NEBL: variants seen among roughly 807,000 people sequenced by gnomAD.
NEBL encodes the protein LIM and SH3 protein 2.
NEBL carries 122 observed loss-of-function variants against 140.2 expected under a neutral mutation model. The ratio of observed to expected loss-of-function variants is 0.87; its 90% CI spans 0.75 to 1.01. The LOEUF is 1.01. Among genes scored for constraint, NEBL ranks in the 50% least tolerant of loss-of-function variants. The pLI is 0.00. For synonymous variants in NEBL, 436 were observed against 398.9 expected (o/e 1.09, Z -1.11); for missense variants, 1,365 against 1,231.3 (o/e 1.11, Z -1.62).
intron 2 of NEBL, chr10:21,146,310 C>T (rs372703562): frequency 1.3e-4 from 205 of 1,568,752 alleles, no homozygotes; most frequent in Admixed American, 1.4e-4. Context: ...CACACCCATG[C>T]AGTATAAACC....
chr10:21,158,522 G>A (rs1482662286), intron 2 of NEBL, among the ~76,000 whole-genome samples: 1 of 152,144 alleles, frequency 6.6e-6, no homozygotes, highest in African/African-American at 2.4e-5. Context: ...GAAACCGAGG[G>A]ATGGTGAGGC....
chr10:21,143,263 A>C (rs1459880259), intron 2 of NEBL, among the ~76,000 whole-genome samples: 2 of 152,014 alleles, frequency 1.3e-5, no homozygotes, highest in African/African-American at 2.4e-5. Flanking sequence ...AGCCTGGCCA[A>C]CATGGCGAAA....
upstream of NEBL, chr10:20,899,498 CAA>C (rs1847753254): frequency 8.7e-7 from 1 of 1,144,770 alleles, no homozygotes; most frequent in African/African-American, 1.6e-5. Flanking sequence ...CTTTTGAAAA[CAA>C]AAACCAAACA....
At chr10:20,863,609 G>A (rs994252011) in intron 7 of NEBL, among the ~76,000 whole-genome samples, 13 of 152,032 alleles carry the variant, frequency 8.6e-5, no homozygotes, top group Admixed American at 2.6e-4. Flanking sequence ...GCAAAATAAC[G>A]TCTTACTGAC....
chr10:21,069,590 T>C (rs1209502384), intron 2 of NEBL, among the ~76,000 whole-genome samples: 1 of 152,224 alleles, frequency 6.6e-6, no homozygotes, highest in African/African-American at 2.4e-5. Context: ...AATCTCTTCA[T>C]CCTTCCACAT....
At chr10:20,899,515 G>T, upstream of NEBL, 1 of 905,294 alleles carries the variant, frequency 1.1e-6, no homozygotes, top group Non-Finnish European at 1.5e-6. Context: ...CAAACACCAC[G>T]TGCAATGTGA....
At chr10:20,850,754 A>G (rs2274361) in intron 10 of NEBL, among the ~76,000 whole-genome samples, 2 of 152,094 alleles carry the variant, frequency 1.3e-5, no homozygotes, top group African/African-American at 2.4e-5. Flanking sequence ...TGTATAAAGC[A>G]TCTTGTCAAA....
chr10:21,186,852 G>A (rs1841479716), intron 3 of NEBL, among the ~76,000 whole-genome samples: 3 of 151,820 alleles, frequency 2.0e-5, no homozygotes, highest in African/African-American at 7.3e-5. Flanking sequence ...ATGCTGTATT[G>A]ATTGGAGAAT....
At chr10:21,090,734 C>T (rs1836873950) in intron 2 of NEBL, among the ~76,000 whole-genome samples, 1 of 152,192 alleles carries the variant, frequency 6.6e-6, no homozygotes, top group South Asian at 2.1e-4. Flanking sequence ...CCTATCGCCA[C>T]CTGGTTTTGT....
chr10:21,227,374 A>G (rs1161271817), intron 3 of NEBL, among the ~76,000 whole-genome samples: 1 of 152,246 alleles, frequency 6.6e-6, no homozygotes, highest in Admixed American at 6.5e-5. Flanking sequence ...AGATATATAA[A>G]TAAGTAATGT....
At chr10:20,866,101 C>A (rs1844254858) in intron 7 of NEBL, among the ~76,000 whole-genome samples, 1 of 152,082 alleles carries the variant, frequency 6.6e-6, no homozygotes, top group Non-Finnish European at 1.5e-5. Flanking sequence ...GTTAACATGG[C>A]AAAAAGTAGT....
chr10:20,828,538 T>C lies in NEBL; in HGVS notation c.1768A>G (p.Ile590Val). ...AAGTAATGGCTACTCACCGCACTAA[T>C]GTTTTGTTGAGTTGTCTTAATTCTC... ...IQRIKTTQQN[I>V]SAVFYKKEVG... The change falls in exon 17 of 28, where the codon ATT (isoleucine) becomes GTT (valine). Residue 590 changes from isoleucine (I) to valine (V), a missense_variant. Physicochemically the swap from Ile to Val is conservative, Grantham distance 29 (BLOSUM62 3). Coordinates refer to ENST00000377122, the MANE Select transcript of NEBL (RefSeq NM_006393.3). 6.3e-7 allele frequency: 1 copy of C among 1,577,624 alleles called. No homozygotes were observed. Among genetic ancestry groups the C allele is most frequent in the Non-Finnish European group, 8.7e-7 (1 of 1,147,284 alleles).
At chr10:21,143,163 A>T (rs2132103471) in intron 2 of NEBL, among the ~76,000 whole-genome samples, 1 of 152,306 alleles carries the variant, frequency 6.6e-6, no homozygotes, top group Non-Finnish European at 1.5e-5. Context: ...AACTTTAAGC[A>T]TGAAGCCAGG....
At chr10:21,258,970 T>A (rs998996067) in intron 1 of NEBL, among the ~76,000 whole-genome samples, 3 of 152,048 alleles carry the variant, frequency 2.0e-5, no homozygotes, top group African/African-American at 7.2e-5. Flanking sequence ...ATGAAATAGA[T>A]CCTATGATTA....
At chr10:20,888,048 G>T in intron 4 of NEBL, 49 bp downstream of exon 4, 1 of 1,281,942 alleles carries the variant, frequency 7.8e-7, no homozygotes, top group Non-Finnish European at 1.1e-6. Flanking sequence ...CTTTTTTCCA[G>T]TTATATGTTT....
At chr10:20,892,313 A>T (rs1207621988) in intron 2 of NEBL, among the ~76,000 whole-genome samples, 2 of 152,214 alleles carry the variant, frequency 1.3e-5, no homozygotes, top group Non-Finnish European at 2.9e-5. Context: ...ACCCTGTGAC[A>T]TTCTGTCTTC....
At chr10:20,804,100 A>G (rs1046879313) in intron 26 of NEBL, among the ~76,000 whole-genome samples, 1 of 152,138 alleles carries the variant, frequency 6.6e-6, no homozygotes, top group Non-Finnish European at 1.5e-5. Flanking sequence ...AACAGTCAAC[A>G]AAACAGCCAG....
chr10:21,070,401 C>G (rs1343135680), intron 2 of NEBL, among the ~76,000 whole-genome samples: 1 of 152,064 alleles, frequency 6.6e-6, no homozygotes, highest in African/African-American at 2.4e-5. Context: ...ATCAAAGCAC[C>G]AAAATATATA....
At chr10:20,955,953 G>C (rs376795002) in intron 4 of NEBL, among the ~76,000 whole-genome samples, 1 of 150,520 alleles carries the variant, frequency 6.6e-6, no homozygotes, top group African/African-American at 2.4e-5. Context: ...TTTTATTACC[G>C]GGGCTCTTCT....
Sources: gnomAD v4.1 joint callset for allele counts (sites outside exome capture counted in the v4.1 genomes callset) on GRCh38, gnomAD v4.1.1 for gene constraint, MANE v1.5 for transcripts, NCBI Gene and HGNC (gene_info 2026-07-23, HGNC 2026-07-21) for gene names.